The following ACACB variants were observed in gnomAD, a reference collection of about 807,000 sequenced individuals.
The protein encoded by ACACB is acetyl-CoA carboxylase 2.
Under a neutral mutation model 278.8 loss-of-function variants are expected in ACACB, and 209 were observed. The observed-to-expected ratio is 0.75, with a 90% confidence interval of 0.67 to 0.84. ACACB has a LOEUF of 0.84. Among genes scored for constraint, ACACB ranks in the 40% least tolerant of loss-of-function variants. ACACB has a pLI of 0.00. For missense variants in ACACB, 2,850 were observed against 3,269.0 expected, an observed-to-expected ratio of 0.87 and a Z score of 3.13; for synonymous variants, 1,174 against 1,285.6, an observed-to-expected ratio of 0.91 and a Z score of 1.86.
chr12:109,252,173 C>T lies in ACACB; in HGVS notation c.5901+17C>T. 1.3e-6 allele frequency: 2 copies of T among 1,580,764 alleles called. No homozygotes were observed. Among genetic ancestry groups the T allele is most frequent in the Non-Finnish European group, 1.7e-6 (2 of 1,156,620 alleles). ...CTCAACAAGGTGACCAAAAAGGGGC[C>T]TGTGCAGAGTGGATCCTTGGGGGCC... On this transcript the variant is annotated intron_variant, in intron 42 of 52. Coordinates refer to ENST00000338432, the MANE Select transcript of ACACB (RefSeq NM_001093.4).
chr12:109,158,007 G>A (rs1253313438), intron 2 of ACACB, among the ~76,000 whole-genome samples: 2 of 152,190 alleles, frequency 1.3e-5, no homozygotes, highest in East Asian at 3.8e-4. Flanking sequence ...CTACACATTA[G>A]AATTTCCTGG....
chr12:109,251,929 G>T, intron 41 of ACACB, 117 bp from the exon 42 acceptor site: 1 of 662,736 alleles, frequency 1.5e-6, no homozygotes. Context: ...AAATCGGGTT[G>T]CCATTGGTCA....
intron 2 of ACACB, among the ~76,000 whole-genome samples, chr12:109,154,294 G>T (rs2136092541): frequency 6.6e-6 from 1 of 152,364 alleles, no homozygotes; most frequent in South Asian, 2.1e-4. Context: ...GAGGTGAAAA[G>T]ATGAGAGAAA....
rs572990428 is a variant in ACACB, at chr12:109,235,500, C to T, written c.4405-106C>T. The T allele has an allele frequency of 7.9e-5, 112 of 1,410,878 alleles. No individual in the cohort carries two copies. The African/African-American group carries it at 1.4e-3, about 18-fold the overall frequency. The allele number at this position is 1,410,878 out of a possible 1,614,324, so 87.4% of individuals were successfully genotyped here. On this transcript the variant is annotated intron_variant, in intron 32 of 52. Transcript: ENST00000338432. Reference sequence around the variant, plus strand: ...AAAGGAGAAGGATTTCCAAATGATTCATTCTAGAAGTGAATGTAATCGTTT... The same window carrying T: ...AAAGGAGAAGGATTTCCAAATGATTTATTCTAGAAGTGAATGTAATCGTTT...
Position 109,258,961 on chromosome 12 carries a change from T to A in ACACB, c.6361-12T>A. ...TGCAGAGACATCTGATCCCCGCAGC[T>A]CTGTGTTCCAGATAATTCAGCAGGC... On this transcript the variant is annotated splice_polypyrimidine_tract_variant and intron_variant, in intron 46 of 52. Transcript: ENST00000338432. The A allele has an allele frequency of 6.2e-7, 1 of 1,613,970 alleles. No individual in the cohort carries two copies. Among genetic ancestry groups the A allele is most frequent in the Non-Finnish European group, 8.5e-7 (1 of 1,179,908 alleles).
intron 18 of ACACB, 113 bp from the exon 19 acceptor site, chr12:109,201,454 G>C: frequency 1.6e-6 from 2 of 1,266,116 alleles, no homozygotes; most frequent in Non-Finnish European, 2.2e-6. Context: ...AGTCATTCTG[G>C]CGCGTCCCTG....
chr12:109,249,263 G>C (rs1034984293), intron 40 of ACACB: 3 of 152,172 alleles, frequency 2.0e-5, no homozygotes, highest in Non-Finnish European at 4.4e-5. Context: ...GGGGAAGTCA[G>C]TTATGTATTC....
In ACACB at chr12:109,121,125, A is replaced by C. The variant is rs1327399689; in HGVS notation, c.-10+4421A>C. ...CGGCTAATTTTTGTATTTTTAGTAG[A>C]AACAGGGTTTCACCATGTTGGCCAG... On this transcript the variant is annotated intron_variant, in intron 1 of 52. Coordinates refer to ENST00000338432, the MANE Select transcript of ACACB (RefSeq NM_001093.4). 2.6e-5 allele frequency among the ~76,000 whole-genome samples: 4 copies of C among 152,008 alleles called. No individual in the cohort carries two copies. The East Asian group carries it at 7.7e-4, about 29-fold the overall frequency.
At chr12:109,180,765 A>G (rs1168690664) in intron 11 of ACACB, among the ~76,000 whole-genome samples, 1 of 152,028 alleles carries the variant, frequency 6.6e-6, no homozygotes, top group Non-Finnish European at 1.5e-5. Flanking sequence ...ATCAGGGTAA[A>G]TGGGTATCCA....
chr12:109,231,207 G>A (rs2046459064), intron 28 of ACACB, among the ~76,000 whole-genome samples: 2 of 152,096 alleles, frequency 1.3e-5, no homozygotes, highest in Non-Finnish European at 2.9e-5. Flanking sequence ...GGTGGGAACT[G>A]GCTACATCCC....
rs111588123 is a variant in ACACB, at chr12:109,217,616, T to C, written c.3564+696T>C. Among the ~76,000 whole-genome samples, 567 of 152,038 alleles carry C rather than the reference T, an allele frequency of 3.7e-3. 5 individuals carry two copies. Among genetic ancestry groups the C allele is most frequent in the African/African-American group, 0.013 (541 of 41,482 alleles). On this transcript the variant is annotated intron_variant, in intron 24 of 52. Coordinates refer to ENST00000338432, the MANE Select transcript of ACACB (RefSeq NM_001093.4). ...GAGTTTGAGACGAGCCTGGGCAACA[T>C]AGGGAGACCCCCATCTCTACAAAAA... is the stretch of plus-strand genomic sequence containing the variant.
At chr12:109,206,326 C>T (rs967164465) in intron 19 of ACACB, among the ~76,000 whole-genome samples, 2 of 150,446 alleles carry the variant, frequency 1.3e-5, no homozygotes, top group African/African-American at 4.9e-5. Flanking sequence ...CCCAGCTACT[C>T]GGGAGACTGA....
chr12:109,238,350 T>G (rs1243679505), intron 34 of ACACB, among the ~76,000 whole-genome samples: 3 of 145,698 alleles, frequency 2.1e-5, no homozygotes. Flanking sequence ...TAATTTTTTT[T>G]TTTTTTTTAC....
intron 21 of ACACB, among the ~76,000 whole-genome samples, chr12:109,211,291 G>A (rs2045839888): frequency 6.7e-6 from 1 of 150,130 alleles, no homozygotes; most frequent in Non-Finnish European, 1.5e-5. Context: ...TGAACCTATT[G>A]TGCTAAGGGA....
Position 109,193,580 on chromosome 12 carries a change from A to G in ACACB, c.2400-68A>G. The G allele has an allele frequency of 3.8e-6, 5 of 1,302,522 alleles. No individual in the cohort carries two copies. In the South Asian group the frequency reaches 6.0e-5, roughly 16 times the overall value. 80.7% of individuals were successfully genotyped at this position (1,302,522 alleles called of 1,614,324 possible). On this transcript the variant is annotated intron_variant, in intron 15 of 52. Coordinates refer to ENST00000338432, the MANE Select transcript of ACACB (RefSeq NM_001093.4). ...GCAGAGAGTTGCGTAATTTTTTTAA[A>G]TGCAAGGGATGGCTGTGGAGTTCTC...
intron 16 of ACACB, among the ~76,000 whole-genome samples, chr12:109,195,613 T>C (rs1281586588): frequency 7.9e-5 from 12 of 152,240 alleles, no homozygotes; most frequent in Non-Finnish European, 1.6e-4. Context: ...AGCAAATCTT[T>C]GTTATATATT....
intron 28 of ACACB, among the ~76,000 whole-genome samples, chr12:109,228,244 G>A (rs2046371793): frequency 1.3e-5 from 2 of 151,528 alleles, no homozygotes; most frequent in Non-Finnish European, 2.9e-5. Context: ...GAGGCTGAGG[G>A]AGAACTGCTC....
intron 7 of ACACB, among the ~76,000 whole-genome samples, chr12:109,175,515 A>C (rs1319453024): frequency 6.6e-6 from 1 of 152,134 alleles, no homozygotes; most frequent in Non-Finnish European, 1.5e-5. Flanking sequence ...TCCTGAGCTC[A>C]AGTGATCCTC....
At chr12:109,166,168 G>T (rs1198478808) in intron 2 of ACACB, among the ~76,000 whole-genome samples, 1 of 152,050 alleles carries the variant, frequency 6.6e-6, no homozygotes, top group East Asian at 1.9e-4. Flanking sequence ...GTACATGAAA[G>T]ATATTAATAC....
Sources: gnomAD v4.1 joint callset for allele counts (sites outside exome capture counted in the v4.1 genomes callset) on GRCh38, gnomAD v4.1.1 for gene constraint, MANE v1.5 for transcripts, NCBI Gene and HGNC (gene_info 2026-07-23, HGNC 2026-07-21) for gene names.